Variants in TMEM132B observed in about 807,000 individuals in gnomAD.
TMEM132B encodes the protein transmembrane protein 132B.
A neutral mutation model predicts 90.8 loss-of-function variants in TMEM132B; 18 were observed. That is an observed-to-expected ratio of 0.20 (90% CI 0.14 to 0.29). The LOEUF (loss-of-function observed/expected upper bound fraction) is 0.29. Ranked by LOEUF, TMEM132B falls within the 10% of genes least tolerant of loss-of-function variation. The pLI, the probability that TMEM132B is intolerant of heterozygous loss-of-function variation, is 1.00. For synonymous variants in TMEM132B, 504 were observed against 523.3 expected, an observed-to-expected ratio of 0.96 and a Z score of 0.50; for missense variants, 1,096 against 1,326.8, an observed-to-expected ratio of 0.83 and a Z score of 2.70.
intron 3 of TMEM132B, among the ~76,000 whole-genome samples, chr12:125,467,206 A>G (rs568809497): frequency 7.2e-6 from 1 of 139,410 alleles, no homozygotes; most frequent in Non-Finnish European, 1.5e-5. Flanking sequence ...CAGAATGGAG[A>G]CAAGGAAGAG....
intron 3 of TMEM132B, among the ~76,000 whole-genome samples, chr12:125,499,209 AGCTAATT>A (rs1882632247): frequency 6.6e-6 from 1 of 152,214 alleles, no homozygotes. Flanking sequence ...TTATATCTCT[AGCTAATT>A]GACAGGCCCT....
intron 4 of TMEM132B, among the ~76,000 whole-genome samples, chr12:125,523,762 T>C (rs763837671): frequency 1.3e-5 from 2 of 152,166 alleles, no homozygotes; most frequent in Non-Finnish European, 2.9e-5. Context: ...GCTTAATGCC[T>C]CCCAGGCTGC....
At chr12:125,526,772 G>A (rs1883474224) in intron 4 of TMEM132B, among the ~76,000 whole-genome samples, 1 of 152,120 alleles carries the variant, frequency 6.6e-6, no homozygotes, top group South Asian at 2.1e-4. Flanking sequence ...GGGGGCTGAG[G>A]TAGTAGCCAA....
At position 125,655,002 on chromosome 12, in the gene TMEM132B, A is replaced by G. The variant is rs1593049775; in HGVS notation, c.*292A>G. The G allele has an allele frequency of 6.9e-6, 2 of 289,724 alleles. No individual in the cohort carries two copies. The highest frequency in any genetic ancestry group is 1.1e-3 in the Middle Eastern group (1 of 940). The allele number at this position is 289,724 out of a possible 1,614,324, so 17.9% of individuals were successfully genotyped here. On this transcript the variant is annotated 3_prime_UTR_variant, in exon 9 of 9. Transcript: ENST00000682704. ...ATGTATTAAACCTGACCCCACAGAC[A>G]TTGTTAGTCATCTCGTGACAAATGG... is the stretch of plus-strand genomic sequence containing the variant.
chr12:125,405,178 C>A (rs532423769), intron 2 of TMEM132B, among the ~76,000 whole-genome samples: 107 of 152,334 alleles, frequency 7.0e-4, no homozygotes, highest in African/African-American at 2.5e-3. Flanking sequence ...TCAAGATGTC[C>A]GTAGGGTTGA....
intron 3 of TMEM132B, among the ~76,000 whole-genome samples, chr12:125,507,774 G>A (rs1882882078): frequency 6.6e-6 from 1 of 152,190 alleles, no homozygotes; most frequent in Non-Finnish European, 1.5e-5. Context: ...TTATGTGACT[G>A]AGATGAGAAT....
chr12:125,662,324 C>A lies in TMEM132B; in HGVS notation c.*7614C>A, dbSNP rs1282764585. The A allele has an allele frequency of 3.3e-5, 5 of 152,168 alleles. No individual in the cohort carries two copies. The highest frequency in any genetic ancestry group is 6.5e-5 in the Admixed American group (1 of 15,284). 9.4% of individuals were successfully genotyped at this position (152,168 alleles called of 1,614,324 possible). On this transcript the variant is annotated 3_prime_UTR_variant, in exon 9 of 9. Transcript: ENST00000682704. ...CGTATATTTAATGTCTCTGTAAAGGCACTTCCAAACATTTTGAAAACGAAG... is the reference window on the plus strand; with the variant it reads ...CGTATATTTAATGTCTCTGTAAAGGAACTTCCAAACATTTTGAAAACGAAG...
At chr12:125,539,050 C>T (rs1883887330) in intron 4 of TMEM132B, among the ~76,000 whole-genome samples, 1 of 152,290 alleles carries the variant, frequency 6.6e-6, no homozygotes, top group Admixed American at 6.5e-5. Context: ...CTGTTCCACT[C>T]CCGTGTCATT....
chr12:125,529,192 C>A (rs1883581218), intron 4 of TMEM132B, among the ~76,000 whole-genome samples: 1 of 152,134 alleles, frequency 6.6e-6, no homozygotes, highest in Non-Finnish European at 1.5e-5. Flanking sequence ...TCAAGTGATC[C>A]TCCTGCCTTA....
intron 2 of TMEM132B, among the ~76,000 whole-genome samples, chr12:125,366,639 G>C (rs1878142310): frequency 6.6e-6 from 1 of 152,122 alleles, no homozygotes; most frequent in South Asian, 2.1e-4. Context: ...ATGTGCAGAG[G>C]TATGGACTTT....
intron 6 of TMEM132B, among the ~76,000 whole-genome samples, chr12:125,648,419 A>G (rs57389367): frequency 0.19 from 28,109 of 151,886 alleles, 2,839 homozygotes; most frequent in African/African-American, 0.23. Flanking sequence ...TTATGCTTGT[A>G]TGTTAATAAG....
intron 3 of TMEM132B, among the ~76,000 whole-genome samples, chr12:125,505,451 C>A (rs868630875): frequency 6.6e-6 from 1 of 151,998 alleles, no homozygotes; most frequent in Non-Finnish European, 1.5e-5. Context: ...GTAATCCCAG[C>A]ACTTTGGGAG....
intron 1 of TMEM132B, among the ~76,000 whole-genome samples, chr12:125,291,550 G>A (rs1875540864): frequency 6.6e-6 from 1 of 152,190 alleles, no homozygotes; most frequent in Non-Finnish European, 1.5e-5. Context: ...CTGGCTGACA[G>A]TCAGCAAGGG....
chr12:125,407,867 G>T lies in TMEM132B; in HGVS notation c.960-7664G>T, dbSNP rs1414341530. On this transcript the variant is annotated intron_variant, in intron 2 of 8. Transcript: ENST00000682704. This position sits in a 1 kb window ranked among gnomAD's most constrained non-coding sequence, Gnocchi z 6.7. ...CTCTGACTTACGTCCCTGTTACAAT[G>T]CACTTGCTCTGTTTTGAACTTCATA... Among the ~76,000 whole-genome samples, 2 of 152,226 alleles carry T rather than the reference G, an allele frequency of 1.3e-5. No homozygotes were observed.
chr12:125,217,808 G>A (rs1309953041), intron 1 of TMEM132B, among the ~76,000 whole-genome samples: 1 of 152,136 alleles, frequency 6.6e-6, no homozygotes, highest in African/African-American at 2.4e-5. Context: ...AAATTAAAAC[G>A]TCCATGCCTT....
intron 1 of TMEM132B, among the ~76,000 whole-genome samples, chr12:125,221,587 T>C (rs577323913): frequency 7.1e-4 from 108 of 152,318 alleles, no homozygotes; most frequent in African/African-American, 2.4e-3. Flanking sequence ...GTAAGGCAGG[T>C]CGTAGGAACA....
rs571385783 is a variant in TMEM132B at position 125,408,977 on chromosome 12, T to C, written c.960-6554T>C. Among the ~76,000 whole-genome samples the C allele has an allele frequency of 4.9e-4, 75 of 152,252 alleles. No individual in the cohort carries two copies. The highest frequency in any genetic ancestry group is 1.7e-3 in the African/African-American group (72 of 41,544). On this transcript the variant is annotated intron_variant, in intron 2 of 8. Coordinates refer to ENST00000682704, the MANE Select transcript of TMEM132B (RefSeq NM_001366854.1). This position sits in a 1 kb window ranked among gnomAD's most constrained non-coding sequence, Gnocchi z 5.9. The stretch of plus-strand genomic sequence containing the variant: ...CACCAGAGTGGATTGTTAATAATAA[T>C]AGTGATAATGATAACTAATAATAAT...
At chr12:125,278,688 T>A (rs1160663015) in intron 1 of TMEM132B, among the ~76,000 whole-genome samples, 2 of 152,170 alleles carry the variant, frequency 1.3e-5, no homozygotes, top group Admixed American at 6.5e-5. Context: ...CCATTATTTT[T>A]ATCAAATGTT....
chr12:125,640,811 T>C (rs1886611279), intron 5 of TMEM132B, among the ~76,000 whole-genome samples: 1 of 152,104 alleles, frequency 6.6e-6, no homozygotes, highest in African/African-American at 2.4e-5. Flanking sequence ...AGGAGAGTGT[T>C]GCGGCAATGA....
Sources: allele counts gnomAD v4.1 joint callset (sites outside exome capture counted in the v4.1 genomes callset), GRCh38; gene constraint gnomAD v4.1.1; non-coding constraint Gnocchi (gnomAD v3.1); transcripts MANE v1.5; gene names NCBI Gene and HGNC (gene_info 2026-07-23, HGNC 2026-07-21).